DDAH1: variants seen among roughly 807,000 people sequenced by gnomAD.
DDAH1 encodes the protein N(G),N(G)-dimethylarginine dimethylaminohydrolase 1.
DDAH1 carries 19 observed loss-of-function variants against 28.8 expected under a neutral mutation model. The ratio of observed to expected loss-of-function variants is 0.66; its 90% CI spans 0.46 to 0.97. The LOEUF (loss-of-function observed/expected upper bound fraction) is 0.97. DDAH1 is among the 50% of genes least tolerant of loss of function. The pLI, the probability that DDAH1 is intolerant of heterozygous loss-of-function variation, is 0.00. For missense variants in DDAH1, 326 were observed against 375.9 expected (o/e 0.87, Z 1.10); for synonymous variants, 153 against 154.4 (o/e 0.99, Z 0.07).
At chr1:85,405,236 T>C (rs1652349497) in intron 1 of DDAH1, among the ~76,000 whole-genome samples, 1 of 152,206 alleles carries the variant, frequency 6.6e-6, no homozygotes, top group African/African-American at 2.4e-5. Context: ...GATATTGGCC[T>C]CCAACATCTA....
intron 1 of DDAH1, among the ~76,000 whole-genome samples, chr1:85,564,422 A>G (rs1171520901): frequency 6.6e-6 from 1 of 152,156 alleles, no homozygotes; most frequent in African/African-American, 2.4e-5. Context: ...AAGTGCAGAG[A>G]GGGGTAGTGG....
chr1:85,328,584 A>G (rs1400635644), intron 4 of DDAH1, among the ~76,000 whole-genome samples: 1 of 152,208 alleles, frequency 6.6e-6, no homozygotes, highest in Non-Finnish European at 1.5e-5. Flanking sequence ...TGCAGTCAGA[A>G]CTGGACGGTC....
At chr1:85,355,372 C>T (rs1461533626) in intron 2 of DDAH1, among the ~76,000 whole-genome samples, 2 of 152,074 alleles carry the variant, frequency 1.3e-5, no homozygotes, top group Admixed American at 6.6e-5. Flanking sequence ...GCTAATGTAA[C>T]TCTTTTATCA....
At chr1:85,370,744 T>C (rs1650338028) in intron 1 of DDAH1, among the ~76,000 whole-genome samples, 1 of 152,100 alleles carries the variant, frequency 6.6e-6, no homozygotes, top group South Asian at 2.1e-4. Context: ...GGGTGACTTT[T>C]AGATTTTTGT....
upstream of DDAH1, among the ~76,000 whole-genome samples, chr1:85,467,135 C>A (rs1214921876): frequency 6.6e-6 from 1 of 152,080 alleles, no homozygotes; most frequent in African/African-American, 2.4e-5. Flanking sequence ...CTGCACCCAG[C>A]CTATTTATTC....
At chr1:85,541,834 A>G (rs763699287) in intron 1 of DDAH1, among the ~76,000 whole-genome samples, 49 of 152,208 alleles carry the variant, frequency 3.2e-4, no homozygotes, top group Admixed American at 5.2e-4. Context: ...ACGCAAGGAC[A>G]AAGTGAGAAG....
At chr1:85,389,505 C>G (rs540771108) in intron 1 of DDAH1, among the ~76,000 whole-genome samples, 1 of 152,254 alleles carries the variant, frequency 6.6e-6, no homozygotes, top group South Asian at 2.1e-4. Flanking sequence ...TGTTGAGTGG[C>G]TGATGCTGTC....
In DDAH1 at chr1:85,532,927, C is replaced by T. The variant is rs78382655; in HGVS notation, c.-122-36646G>A. 7.3e-3 allele frequency among the ~76,000 whole-genome samples: 1,119 copies of T among 152,272 alleles called. 7 individuals are homozygous for T. The highest frequency in any genetic ancestry group is 0.011 in the Non-Finnish European group (736 of 68,038). On this transcript the variant is annotated intron_variant, in intron 1 of 6. Coordinates refer to the DDAH1 transcript ENST00000426972. ...AACCTTTAATTGCTCCAAGATGATA[C>T]GCTGGTTTGGCAGATCTGGCTCAAC...
chr1:85,569,422 T>C (rs981809186), intron 1 of DDAH1, among the ~76,000 whole-genome samples: 3 of 152,216 alleles, frequency 2.0e-5, no homozygotes, highest in African/African-American at 7.2e-5. Context: ...GATCAAAACC[T>C]GGCCCTAGGA....
chr1:85,563,745 GTAGA>G (rs539147304), intron 1 of DDAH1, among the ~76,000 whole-genome samples: 1 of 152,190 alleles, frequency 6.6e-6, no homozygotes, highest in Non-Finnish European at 1.5e-5. Flanking sequence ...GATAGAATTA[GTAGA>G]TAAAGAGATT....
chr1:85,441,088 G>A (rs760310265), intron 1 of DDAH1, among the ~76,000 whole-genome samples: 1 of 152,176 alleles, frequency 6.6e-6, no homozygotes, highest in Non-Finnish European at 1.5e-5. Context: ...CTCGGTGAAG[G>A]CTCCATGTCT....
intron 1 of DDAH1, among the ~76,000 whole-genome samples, chr1:85,421,676 T>C (rs978492051): frequency 7.2e-5 from 11 of 152,236 alleles, no homozygotes; most frequent in Admixed American, 3.3e-4. Flanking sequence ...CTAGATGTCA[T>C]ATAATTGGAA....
rs573457915 is a variant in DDAH1 at position 85,487,117 on chromosome 1, C to A, written c.-7+9049G>T. 3.3e-5 allele frequency among the ~76,000 whole-genome samples: 5 copies of A among 152,300 alleles called. No homozygotes were observed. In the East Asian group the frequency reaches 9.6e-4, roughly 29 times the overall value. On this transcript the variant is annotated intron_variant, in intron 2 of 6. Coordinates refer to the DDAH1 transcript ENST00000426972. Reference sequence around the variant, plus strand: ...TTTGTGTTCTTGGAAGAGAAATTAACCCTCTTCAAATGGATGACTGGATCC... The same window carrying A: ...TTTGTGTTCTTGGAAGAGAAATTAAACCTCTTCAAATGGATGACTGGATCC...
intron 2 of DDAH1, among the ~76,000 whole-genome samples, chr1:85,354,514 AAAG>A (rs1241057226): frequency 2.9e-5 from 4 of 137,370 alleles, no homozygotes; most frequent in Admixed American, 2.2e-4. Context: ...GCAACCCTAA[AAAG>A]AAAATCTCTC....
rs191326203 is a variant in DDAH1, at chr1:85,338,064, T to C, written c.597+12351A>G. ...CCCCCAAACAGAGATCTGGGTTTCCTTCCTCTTGCCACTATTCCTTCTTGT... is the reference window on the plus strand; with the variant it reads ...CCCCCAAACAGAGATCTGGGTTTCCCTCCTCTTGCCACTATTCCTTCTTGT... On this transcript the variant is annotated intron_variant, in intron 4 of 5. Coordinates refer to ENST00000284031, the MANE Select transcript of DDAH1 (RefSeq NM_012137.4). 8.5e-4 allele frequency among the ~76,000 whole-genome samples: 130 copies of C among 152,350 alleles called. No homozygotes were observed. In the Middle Eastern group the frequency reaches 0.037, roughly 44 times the overall value.
intron 1 of DDAH1, among the ~76,000 whole-genome samples, chr1:85,430,484 TTGG>T (rs1238046308): frequency 1.3e-5 from 2 of 152,224 alleles, no homozygotes; most frequent in Non-Finnish European, 2.9e-5. Context: ...ATAAATTACT[TTGG>T]GCAGTATGGC....
chr1:85,556,060 C>T (rs958954279), intron 1 of DDAH1, among the ~76,000 whole-genome samples: 13 of 152,066 alleles, frequency 8.5e-5, no homozygotes, highest in African/African-American at 2.2e-4. Context: ...GTGCGGCCAC[C>T]GCCACCACCA....
intron 1 of DDAH1, among the ~76,000 whole-genome samples, chr1:85,368,413 G>A (rs1650189344): frequency 6.6e-6 from 1 of 152,122 alleles, no homozygotes; most frequent in Non-Finnish European, 1.5e-5. Context: ...AGTTCCAGAG[G>A]TTCAAAGGTC....
At chr1:85,500,109 TTTTCTTTTC>T (rs1267535330) in intron 1 of DDAH1, among the ~76,000 whole-genome samples, 9 of 93,012 alleles carry the variant, frequency 9.7e-5, no homozygotes, top group African/African-American at 2.2e-4. Flanking sequence ...TTCCTCTTTC[TTTTCTTTTC>T]TTTCTTTCTT....
Sources: gnomAD v4.1 joint callset for allele counts (sites outside exome capture counted in the v4.1 genomes callset) on GRCh38, gnomAD v4.1.1 for gene constraint, MANE v1.5 for transcripts, NCBI Gene and HGNC (gene_info 2026-07-23, HGNC 2026-07-21) for gene names.